CFAP20DC: variants seen among roughly 807,000 people sequenced by gnomAD.
The protein encoded by CFAP20DC is CFAP20 domain containing.
In CFAP20DC, 84 loss-of-function variants were observed where a neutral mutation model predicts 101.7. The observed-to-expected ratio is 0.83, with a 90% CI of 0.69 to 0.99. The LOEUF (loss-of-function observed/expected upper bound fraction) is 0.99. CFAP20DC is among the 50% of genes least tolerant of loss of function. CFAP20DC has a pLI of 0.00. For missense variants in CFAP20DC, 1,007 were observed against 970.3 expected, an observed-to-expected ratio of 1.04 and a Z score of -0.50; for synonymous variants, 359 against 351.2, an observed-to-expected ratio of 1.02 and a Z score of -0.25.
rs1048573391 is a variant in CFAP20DC at position 58,894,693 on chromosome 3, C to T, written c.551-9984G>A. On this transcript the variant is annotated intron_variant, in intron 6 of 16. Coordinates refer to ENST00000482387, the MANE Select transcript of CFAP20DC (RefSeq NM_001394063.1). The surrounding 1 kb of genome is among the most constrained non-coding windows in gnomAD (Gnocchi z 4.1). ...GAGGATGGTGGCCCTCTTCTTACAG[C>T]TCCACTAGATGGTGCCCCAGTAGGG... 6.6e-6 allele frequency among the ~76,000 whole-genome samples: 1 copy of T among 152,220 alleles called. No individual in the cohort carries two copies. Among genetic ancestry groups the T allele is most frequent in the East Asian group, 1.9e-4 (1 of 5,190 alleles).
intron 13 of CFAP20DC, among the ~76,000 whole-genome samples, chr3:58,847,685 A>T (rs2077801729): frequency 1.3e-5 from 2 of 148,302 alleles, no homozygotes; most frequent in African/African-American, 5.0e-5. Flanking sequence ...CCAAAGGACT[A>T]TAAATCATGC....
Position 58,742,165 on chromosome 3 carries a change from T to A in CFAP20DC, c.*295A>T. The A allele has an allele frequency of 1.1e-6, 1 of 931,246 alleles. No individual in the cohort carries two copies. The highest frequency in any genetic ancestry group is 1.3e-6 in the Non-Finnish European group (1 of 775,006). 57.7% of individuals were successfully genotyped at this position (931,246 alleles called of 1,614,324 possible). A position where few individuals can be genotyped will look rare whatever the true frequency, so the allele number is the denominator to read the frequency against. The stretch of plus-strand genomic sequence containing the variant: ...ATGAATAACTCTTAATTTGTTTACA[T>A]AAAATTATCTGAAATAAACAAAATT... On this transcript the variant is annotated 3_prime_UTR_variant, in exon 17 of 17. Coordinates refer to ENST00000482387, the MANE Select transcript of CFAP20DC (RefSeq NM_001394063.1).
intron 13 of CFAP20DC, among the ~76,000 whole-genome samples, chr3:58,848,769 A>G (rs2077958071): frequency 6.6e-6 from 1 of 152,184 alleles, no homozygotes; most frequent in African/African-American, 2.4e-5. Context: ...GGAAGTAACT[A>G]GAAAATAAAA....
At chr3:59,008,825 C>T (rs1209060148) in intron 4 of CFAP20DC, among the ~76,000 whole-genome samples, 1 of 151,798 alleles carries the variant, frequency 6.6e-6, no homozygotes, top group East Asian at 1.9e-4. Flanking sequence ...CAAACCTGCA[C>T]ATTGTGCACA....
At position 58,864,901 on chromosome 3, in the gene CFAP20DC, C is replaced by A. The variant is rs570488954; in HGVS notation, c.1259-1009G>T. ...GTTTTCTTTAAAATACCATACACTA[C>A]AGGGAAATATATATTTTTTCAAAAC... On this transcript the variant is annotated intron_variant, in intron 11 of 16. Transcript: ENST00000482387. This position sits in a 1 kb window ranked among gnomAD's most constrained non-coding sequence, Gnocchi z 4.7. 6.6e-6 allele frequency among the ~76,000 whole-genome samples: 1 copy of A among 152,244 alleles called. No individual in the cohort carries two copies. Among genetic ancestry groups the A allele is most frequent in the East Asian group, 1.9e-4 (1 of 5,182 alleles).
chr3:58,874,788 G>A lies in CFAP20DC; in HGVS notation c.716-4479C>T, dbSNP rs879745939. Among the ~76,000 whole-genome samples, 2 of 151,974 alleles carry A rather than the reference G, an allele frequency of 1.3e-5. No individual in the cohort carries two copies. The highest frequency in any genetic ancestry group is 4.8e-5 in the African/African-American group (2 of 41,350). On this transcript the variant is annotated intron_variant, in intron 7 of 16. Coordinates refer to ENST00000482387, the MANE Select transcript of CFAP20DC (RefSeq NM_001394063.1). The surrounding 1 kb of genome is among the most constrained non-coding windows in gnomAD (Gnocchi z 5.1). ...AATTGAACTTTTACACATGTCCATG[G>A]GATTCTCTAATTAATGTGTGCTTCA...
intron 4 of CFAP20DC, among the ~76,000 whole-genome samples, chr3:59,028,165 A>G (rs149349910): frequency 6.6e-6 from 1 of 152,202 alleles, no homozygotes; most frequent in Non-Finnish European, 1.5e-5. Context: ...TGAAGTTCTG[A>G]AACAACCTTA....
chr3:58,846,840 G>C (rs1357211589), intron 13 of CFAP20DC, among the ~76,000 whole-genome samples: 7 of 148,438 alleles, frequency 4.7e-5, no homozygotes, highest in East Asian at 4.0e-4. Context: ...GAACAGAACA[G>C]AGCCCTCAGA....
At chr3:58,952,793 A>C (rs1647225615) in intron 4 of CFAP20DC, among the ~76,000 whole-genome samples, 2 of 152,150 alleles carry the variant, frequency 1.3e-5, no homozygotes, top group Admixed American at 1.3e-4. Flanking sequence ...GTACTCTCAC[A>C]GAGCTAGGTT....
At chr3:58,939,591 T>C (rs1234852572) in intron 4 of CFAP20DC, among the ~76,000 whole-genome samples, 1 of 151,776 alleles carries the variant, frequency 6.6e-6, no homozygotes, top group Non-Finnish European at 1.5e-5. Context: ...CCCGAGTAGC[T>C]GGGACTACAG....
Position 58,912,735 on chromosome 3 carries a change from T to C in CFAP20DC, c.550+973A>G, listed in dbSNP as rs752680305. 1.3e-5 allele frequency: 6 copies of C among 456,410 alleles called. No individual in the cohort carries two copies. The Middle Eastern group carries it at 1.3e-3, about 99-fold the overall frequency. The allele number at this position is 456,410 out of a possible 1,614,324, so 28.3% of individuals were successfully genotyped here. The stretch of plus-strand genomic sequence containing the variant: ...TGCTACCTTATGAATTCCAGGGAGC[T>C]GAGTTACCTGCAGAGTATATTTATA... On this transcript the variant is annotated intron_variant, in intron 6 of 16. Transcript: ENST00000482387. The surrounding 1 kb of genome is among the most constrained non-coding windows in gnomAD (Gnocchi z 4.4).
At chr3:58,884,046 C>A (rs2081414114) in intron 7 of CFAP20DC, among the ~76,000 whole-genome samples, 1 of 152,084 alleles carries the variant, frequency 6.6e-6, no homozygotes, top group South Asian at 2.1e-4. Context: ...CATAAACATT[C>A]ACGTATCCAG....
At chr3:58,906,831 G>C (rs1371470512) in intron 6 of CFAP20DC, among the ~76,000 whole-genome samples, 1 of 152,128 alleles carries the variant, frequency 6.6e-6, no homozygotes, top group Non-Finnish European at 1.5e-5. Context: ...AGGAGGCTGA[G>C]GCAGGAGGAT....
chr3:58,758,858 G>A (rs2069227511), intron 15 of CFAP20DC, among the ~76,000 whole-genome samples: 1 of 152,028 alleles, frequency 6.6e-6, no homozygotes, highest in African/African-American at 2.4e-5. Flanking sequence ...CCCTACAAAG[G>A]ACAAGAACTC....
At chr3:58,806,782 A>G (rs1156800277) in intron 14 of CFAP20DC, among the ~76,000 whole-genome samples, 5 of 152,248 alleles carry the variant, frequency 3.3e-5, no homozygotes, top group Non-Finnish European at 7.3e-5. Flanking sequence ...TCACTCGGGA[A>G]GCGCAAGGGA....
At chr3:58,969,476 C>T (rs1055275993) in intron 4 of CFAP20DC, among the ~76,000 whole-genome samples, 1 of 152,082 alleles carries the variant, frequency 6.6e-6, no homozygotes, top group African/African-American at 2.4e-5. Context: ...TAGGTGAGCT[C>T]CAAGAGGATT....
In CFAP20DC at chr3:58,742,025, C is replaced by A; in HGVS notation, c.*435G>T. 2 of 944,036 alleles carry A rather than the reference C, an allele frequency of 2.1e-6. No homozygotes were observed. Among genetic ancestry groups the A allele is most frequent in the Non-Finnish European group, 2.5e-6 (2 of 791,856 alleles). 58.5% of individuals were successfully genotyped at this position (944,036 alleles called of 1,614,324 possible). On this transcript the variant is annotated 3_prime_UTR_variant, in exon 17 of 17. Coordinates refer to ENST00000482387, the MANE Select transcript of CFAP20DC (RefSeq NM_001394063.1). ...AAAAGCTATTCTTCTTACCATCATA[C>A]TTTATTTTTAATACAAATGCCATAA...
chr3:59,002,221 A>C lies in CFAP20DC; in HGVS notation c.278+37336T>G, dbSNP rs2093331305. Among the ~76,000 whole-genome samples the C allele has an allele frequency of 6.6e-6, 1 of 152,114 alleles. No homozygotes were observed. Among genetic ancestry groups the C allele is most frequent in the Non-Finnish European group, 1.5e-5 (1 of 68,020 alleles). ...GAACAAAGGGGAATAAATACCTCTT[A>C]CTCCCAGTAGTTGAGGATATGATAA... On this transcript the variant is annotated intron_variant, in intron 4 of 16. Coordinates refer to ENST00000482387, the MANE Select transcript of CFAP20DC (RefSeq NM_001394063.1). The surrounding 1 kb of genome is among the most constrained non-coding windows in gnomAD (Gnocchi z 4.5).
chr3:58,944,866 A>T (rs759317331), intron 4 of CFAP20DC, among the ~76,000 whole-genome samples: 2 of 152,144 alleles, frequency 1.3e-5, no homozygotes, highest in Non-Finnish European at 2.9e-5. Flanking sequence ...CTGGAGTGTA[A>T]ACTACTGAAA....
Sources: gnomAD v4.1 joint callset for allele counts (sites outside exome capture counted in the v4.1 genomes callset) on GRCh38, gnomAD v4.1.1 for gene constraint, Gnocchi (gnomAD v3.1) non-coding constraint, MANE v1.5 for transcripts, NCBI Gene and HGNC (gene_info 2026-07-23, HGNC 2026-07-21) for gene names.